The following SAMMSON variants were observed in gnomAD, a reference collection of about 807,000 sequenced individuals.
The protein encoded by SAMMSON is survival associated mitochondrial melanoma specific oncogenic non-coding RNA, also known as long intergenic non-protein coding RNA 1212.
intron 1 of SAMMSON, among the ~76,000 whole-genome samples, chr3:70,006,385 C>A (rs2066926535): frequency 1.3e-5 from 2 of 152,162 alleles, no homozygotes; most frequent in African/African-American, 4.8e-5. Flanking sequence ...CCGCCCTTCC[C>A]TCATGGCGTT....
At chr3:70,279,328 A>T (rs574667285) in intron 6 of SAMMSON, among the ~76,000 whole-genome samples, 33 of 152,212 alleles carry the variant, frequency 2.2e-4, no homozygotes, top group African/African-American at 7.7e-4. Context: ...GGAGTGGGTG[A>T]TACAGCTAAG....
At chr3:70,316,628 A>T (rs113424570) in intron 7 of SAMMSON, among the ~76,000 whole-genome samples, 2,547 of 152,174 alleles carry the variant, frequency 0.017, 76 homozygotes, top group African/African-American at 0.059. Context: ...TTCGGCCTTG[A>T]TATGAAAATA....
intron 6 of SAMMSON, among the ~76,000 whole-genome samples, chr3:70,280,600 C>G (rs570395974): frequency 1.3e-5 from 2 of 152,230 alleles, no homozygotes; most frequent in African/African-American, 4.8e-5. Flanking sequence ...CAGAAGCAGC[C>G]TCAGAAGCAA....
chr3:70,393,905 G>A (rs1701070472), downstream of SAMMSON, among the ~76,000 whole-genome samples: 1 of 152,114 alleles, frequency 6.6e-6, no homozygotes, highest in Non-Finnish European at 1.5e-5. Context: ...TTTACGTTGG[G>A]AAGTGGCATG....
At chr3:70,060,222 C>T (rs148239139) in intron 3 of SAMMSON, among the ~76,000 whole-genome samples, 212 of 152,092 alleles carry the variant, frequency 1.4e-3, no homozygotes, top group African/African-American at 4.8e-3. Context: ...TTGCTGGGGA[C>T]GTGGCTATGA....
At chr3:70,210,805 T>G (rs1298712739) in intron 4 of SAMMSON, among the ~76,000 whole-genome samples, 1 of 152,124 alleles carries the variant, frequency 6.6e-6, no homozygotes, top group Non-Finnish European at 1.5e-5. Flanking sequence ...AAGTGAATGT[T>G]AAACAGTTTG....
At chr3:70,220,397 C>T (rs1440901024) in intron 4 of SAMMSON, among the ~76,000 whole-genome samples, 1 of 151,890 alleles carries the variant, frequency 6.6e-6, no homozygotes, top group Non-Finnish European at 1.5e-5. Context: ...TATGATGGCA[C>T]CACTCCACTC....
chr3:70,376,442 G>A (rs1703014924), intron 9 of SAMMSON, among the ~76,000 whole-genome samples: 1 of 152,162 alleles, frequency 6.6e-6, no homozygotes, highest in African/African-American at 2.4e-5. Context: ...GAACTGGTAT[G>A]CTTATTTTAG....
intron 4 of SAMMSON, among the ~76,000 whole-genome samples, chr3:70,132,904 C>T (rs1458097462): frequency 1.3e-5 from 2 of 151,934 alleles, no homozygotes; most frequent in Non-Finnish European, 2.9e-5. Context: ...GGCAAATGTA[C>T]ATTCCCATCG....
intron 2 of SAMMSON, among the ~76,000 whole-genome samples, chr3:70,424,438 A>G (rs1701338106): frequency 6.6e-6 from 1 of 152,164 alleles, no homozygotes; most frequent in Admixed American, 6.5e-5. Context: ...CATTTTTTCA[A>G]ATGATAATGA....
At chr3:70,078,999 G>T (rs1291592922) in intron 4 of SAMMSON, among the ~76,000 whole-genome samples, 4 of 152,228 alleles carry the variant, frequency 2.6e-5, no homozygotes, top group Non-Finnish European at 4.4e-5. Flanking sequence ...ACACAGCCGT[G>T]CTCTTCTTTT....
At chr3:70,383,286 C>T (rs1424584576) in intron 9 of SAMMSON, among the ~76,000 whole-genome samples, 1 of 151,226 alleles carries the variant, frequency 6.6e-6, no homozygotes, top group East Asian at 1.9e-4. Flanking sequence ...CATTTGTTGA[C>T]CTTTCTACTT....
At chr3:70,307,358 A>G (rs1472301862) in intron 7 of SAMMSON, among the ~76,000 whole-genome samples, 1 of 152,154 alleles carries the variant, frequency 6.6e-6, no homozygotes, top group African/African-American at 2.4e-5. Context: ...TAAACTGCAA[A>G]TGGCAACAAT....
intron 3 of SAMMSON, among the ~76,000 whole-genome samples, chr3:70,031,107 A>C (rs1262418064): frequency 6.6e-6 from 1 of 152,234 alleles, no homozygotes; most frequent in Non-Finnish European, 1.5e-5. Flanking sequence ...TGATGGCAAC[A>C]TTATCCACAA....
intron 7 of SAMMSON, among the ~76,000 whole-genome samples, chr3:70,298,602 G>A (rs1050815684): frequency 6.6e-6 from 1 of 152,018 alleles, no homozygotes; most frequent in Non-Finnish European, 1.5e-5. Flanking sequence ...CCTCTTTCTC[G>A]TTAAAATCAC....
intron 4 of SAMMSON, among the ~76,000 whole-genome samples, chr3:70,219,586 C>A (rs1406707422): frequency 6.6e-6 from 1 of 151,996 alleles, no homozygotes; most frequent in African/African-American, 2.4e-5. Context: ...AAGGATCAAA[C>A]AAATTGGGAT....
chr3:70,196,242 C>G (rs1006018215), intron 4 of SAMMSON, among the ~76,000 whole-genome samples: 1 of 152,124 alleles, frequency 6.6e-6, no homozygotes, highest in African/African-American at 2.4e-5. Flanking sequence ...CCTGTTATGA[C>G]ATAGTCATAG....
intron 4 of SAMMSON, among the ~76,000 whole-genome samples, chr3:70,227,578 G>A (rs896396129): frequency 4.6e-5 from 7 of 152,214 alleles, no homozygotes; most frequent in African/African-American, 1.7e-4. Flanking sequence ...AAAGTGAAAA[G>A]TTGAACATAG....
chr3:70,176,423 G>C (rs1576144633), intron 4 of SAMMSON, among the ~76,000 whole-genome samples: 1 of 152,274 alleles, frequency 6.6e-6, no homozygotes, highest in Middle Eastern at 3.4e-3. Context: ...ATCATCATTT[G>C]AGAGTTTAGC....
Sources: gnomAD v4.1 joint callset for allele counts (sites outside exome capture counted in the v4.1 genomes callset) on GRCh38, gnomAD v4.1.1 for gene constraint, MANE v1.5 for transcripts, NCBI Gene and HGNC (gene_info 2026-07-23, HGNC 2026-07-21) for gene names.